RUNDC3B: variants seen among roughly 807,000 people sequenced by gnomAD.
The protein encoded by RUNDC3B is RUN domain containing 3B.
RUNDC3B carries 33 observed loss-of-function variants against 58.4 expected under a neutral mutation model. That is an observed-to-expected ratio of 0.56 (90% confidence interval 0.43 to 0.75). The LOEUF (loss-of-function observed/expected upper bound fraction) is 0.75, where lower values mean the gene tolerates loss of function less well. Among genes scored for constraint, RUNDC3B ranks in the 30% least tolerant of loss-of-function variants. RUNDC3B has a pLI of 0.00. For synonymous variants in RUNDC3B, 193 were observed against 195.2 expected, an observed-to-expected ratio of 0.99 and a Z score of 0.10; for missense variants, 501 against 535.7, an observed-to-expected ratio of 0.94 and a Z score of 0.64.
intron 4 of RUNDC3B, among the ~76,000 whole-genome samples, chr7:87,715,199 A>T (rs1830447481): frequency 7.2e-6 from 1 of 139,218 alleles, no homozygotes; most frequent in Admixed American, 8.0e-5. Flanking sequence ...TTATATATAT[A>T]ATATTATAAA....
At chr7:87,690,242 G>A (rs992296376) in intron 2 of RUNDC3B, among the ~76,000 whole-genome samples, 1 of 151,972 alleles carries the variant, frequency 6.6e-6, no homozygotes, top group Non-Finnish European at 1.5e-5. Context: ...ACTTTAATTT[G>A]ATGAAGAGTA....
intron 2 of RUNDC3B, among the ~76,000 whole-genome samples, chr7:87,679,638 C>A (rs1044672131): frequency 2.0e-5 from 3 of 150,360 alleles, no homozygotes; most frequent in Non-Finnish European, 4.4e-5. Context: ...GGTCCTCTCA[C>A]TTCAGCCTTT....
At chr7:87,748,577 T>C (rs1832783226) in intron 6 of RUNDC3B, among the ~76,000 whole-genome samples, 1 of 152,190 alleles carries the variant, frequency 6.6e-6, no homozygotes, top group Admixed American at 6.5e-5. Context: ...TCTGTATGTG[T>C]ATAAAATATG....
At chr7:87,829,768 T>C (rs1838035913) in intron 10 of RUNDC3B, 117 bp from the exon 11 acceptor site, 1 of 658,052 alleles carries the variant, frequency 1.5e-6, no homozygotes, top group Non-Finnish European at 2.5e-6. Flanking sequence ...TAGGTTTCTT[T>C]GGGCAGTATG....
intron 4 of RUNDC3B, among the ~76,000 whole-genome samples, chr7:87,738,628 A>C (rs1584056234): frequency 6.6e-6 from 1 of 152,112 alleles, no homozygotes; most frequent in South Asian, 2.1e-4. Context: ...ATTTAATAGA[A>C]GATATAGGAC....
At chr7:87,781,728 T>C (rs1307864356) in intron 8 of RUNDC3B, among the ~76,000 whole-genome samples, 2 of 152,134 alleles carry the variant, frequency 1.3e-5, no homozygotes, top group African/African-American at 4.8e-5. Context: ...TTTTTCTATG[T>C]CTATTGATAT....
At position 87,830,843 on chromosome 7, in the gene RUNDC3B, A is replaced by G. The variant is rs1375614672; in HGVS notation, c.*813A>G. 1 of 151,776 alleles carries G rather than the reference A, an allele frequency of 6.6e-6. No individual in the cohort carries two copies. The highest frequency in any genetic ancestry group is 1.5e-5 in the Non-Finnish European group (1 of 67,866). 9.4% of individuals were successfully genotyped at this position (151,776 alleles called of 1,614,324 possible). A position where few individuals can be genotyped will look rare whatever the true frequency, so the allele number is the denominator to read the frequency against. ...AACGTTGAAAAATTGTTTTGCCAGG[A>G]AAGAGTTCAAGTTCAGTTAAGGATT... On this transcript the variant is annotated 3_prime_UTR_variant, in exon 11 of 11. Transcript: ENST00000394654.
intron 1 of RUNDC3B, among the ~76,000 whole-genome samples, chr7:87,630,880 CTTAT>C (rs1456012956): frequency 6.6e-6 from 1 of 151,978 alleles, no homozygotes; most frequent in Non-Finnish European, 1.5e-5. Context: ...GTATTTCAAC[CTTAT>C]TTAAACTAAA....
At chr7:87,749,248 G>A (rs551591685) in intron 6 of RUNDC3B, among the ~76,000 whole-genome samples, 10 of 152,170 alleles carry the variant, frequency 6.6e-5, no homozygotes, top group Middle Eastern at 3.4e-3. Context: ...AGATACTGAA[G>A]TAATTATTAC....
At chr7:87,771,868 AC>A (rs1327381905) in intron 7 of RUNDC3B, among the ~76,000 whole-genome samples, 1 of 152,160 alleles carries the variant, frequency 6.6e-6, no homozygotes, top group Non-Finnish European at 1.5e-5. Flanking sequence ...AAAAATAATG[AC>A]CAATATGGGG....
chr7:87,693,968 G>T, intron 2 of RUNDC3B: 2 of 1,611,650 alleles, frequency 1.2e-6, no homozygotes, highest in Non-Finnish European at 1.7e-6. Context: ...GGTACTCTAT[G>T]CTGGTGATGT....
intron 2 of RUNDC3B, among the ~76,000 whole-genome samples, chr7:87,678,264 T>C (rs949005413): frequency 6.6e-6 from 1 of 152,190 alleles, no homozygotes; most frequent in Non-Finnish European, 1.5e-5. Context: ...CTGACTCTAC[T>C]CTTGAAAGCA....
chr7:87,641,743 A>T (rs1340676719), intron 1 of RUNDC3B, among the ~76,000 whole-genome samples: 1 of 152,230 alleles, frequency 6.6e-6, no homozygotes, highest in East Asian at 1.9e-4. Flanking sequence ...AGTGGATATG[A>T]TGCCCACATT....
chr7:87,747,821 C>G (rs1832734406), intron 6 of RUNDC3B, among the ~76,000 whole-genome samples: 1 of 152,110 alleles, frequency 6.6e-6, no homozygotes, highest in East Asian at 1.9e-4. Context: ...AGGCCAGTCT[C>G]ACTCCCACCA....
chr7:87,711,049 G>A (rs966353330), intron 4 of RUNDC3B, among the ~76,000 whole-genome samples: 8 of 151,858 alleles, frequency 5.3e-5, no homozygotes, highest in Non-Finnish European at 8.8e-5. Context: ...TACATTGGCC[G>A]GGCACGGTGG....
At chr7:87,823,412 A>ATT (rs5885603) in intron 10 of RUNDC3B, among the ~76,000 whole-genome samples, 30 of 150,908 alleles carry the variant, frequency 2.0e-4, no homozygotes, top group African/African-American at 6.6e-4. Context: ...TTTTATTTTT[A>ATT]TTTTTTTTAA....
intron 7 of RUNDC3B, among the ~76,000 whole-genome samples, chr7:87,777,050 G>A (rs1290693588): frequency 1.3e-5 from 2 of 152,030 alleles, no homozygotes; most frequent in Non-Finnish European, 2.9e-5. Context: ...AAGGGTTTGA[G>A]GATAAATTCA....
intron 1 of RUNDC3B, among the ~76,000 whole-genome samples, chr7:87,635,149 A>G (rs1821633141): frequency 6.6e-6 from 1 of 152,172 alleles, no homozygotes; most frequent in African/African-American, 2.4e-5. Context: ...CCACTCTTCT[A>G]TTCCCTCTTA....
At chr7:87,766,985 A>G (rs546182866) in intron 6 of RUNDC3B, among the ~76,000 whole-genome samples, 16 of 152,224 alleles carry the variant, frequency 1.1e-4, no homozygotes, top group African/African-American at 3.9e-4. Context: ...AGAAAAATCA[A>G]TCTTCAAGCT....
Sources: gnomAD v4.1 joint callset for allele counts (sites outside exome capture counted in the v4.1 genomes callset) on GRCh38, gnomAD v4.1.1 for gene constraint, MANE v1.5 for transcripts, NCBI Gene and HGNC (gene_info 2026-07-23, HGNC 2026-07-21) for gene names.